Variants in ERBB4 observed in about 807,000 individuals in gnomAD.
ERBB4 encodes the protein erb-b2 receptor tyrosine kinase 4.
ERBB4 carries 42 observed loss-of-function variants against 158.0 expected under a neutral mutation model. That is an observed-to-expected ratio of 0.27 (90% confidence interval 0.21 to 0.34). The LOEUF (loss-of-function observed/expected upper bound fraction) is 0.34. Among genes scored for constraint, ERBB4 ranks in the 10% least tolerant of loss-of-function variants. ERBB4 has a pLI of 1.00. For synonymous variants in ERBB4, 583 were observed against 558.7 expected, an observed-to-expected ratio of 1.04 and a Z score of -0.61; for missense variants, 1,333 against 1,624.1, an observed-to-expected ratio of 0.82 and a Z score of 3.08.
intron 20 of ERBB4, among the ~76,000 whole-genome samples, chr2:211,478,632 C>A (rs1274332369): frequency 3.9e-5 from 6 of 152,026 alleles, no homozygotes; most frequent in Non-Finnish European, 5.9e-5. Context: ...GCAAATAAAA[C>A]ACCACTTGAA....
chr2:211,772,959 T>A lies in ERBB4; in HGVS notation c.556+15066A>T, dbSNP rs1267776807. Among the ~76,000 whole-genome samples the A allele has an allele frequency of 5.8e-3, 732 of 125,542 alleles. 38 individuals carry two copies. The highest frequency in any genetic ancestry group is 0.022 in the African/African-American group (699 of 31,434). The allele number at this position is 125,542 out of a possible 152,430, so 82.4% of individuals were successfully genotyped here. A position where few individuals can be genotyped will look rare whatever the true frequency, so the allele number is the denominator to read the frequency against. On this transcript the variant is annotated intron_variant, in intron 4 of 27. Transcript: ENST00000342788. ...TATATATATATATATATATATATTT[T>A]TTTTTTTAAAGATGGGGTCCTACTC...
chr2:212,062,476 C>T (rs2077809284), intron 2 of ERBB4, among the ~76,000 whole-genome samples: 1 of 125,286 alleles, frequency 8.0e-6, no homozygotes, highest in Non-Finnish European at 1.6e-5. Flanking sequence ...GGTGCAATCT[C>T]GGCTCACTGC....
chr2:212,184,492 A>C (rs955577571), intron 1 of ERBB4, among the ~76,000 whole-genome samples: 2 of 152,092 alleles, frequency 1.3e-5, no homozygotes, highest in Non-Finnish European at 2.9e-5. Flanking sequence ...TTATGCTTAT[A>C]TATCTTTCTA....
chr2:212,076,947 A>G (rs1213376539), intron 2 of ERBB4, among the ~76,000 whole-genome samples: 1 of 151,952 alleles, frequency 6.6e-6, no homozygotes, highest in African/African-American at 2.4e-5. Context: ...TTGTTTAATA[A>G]GGGAAGAAAA....
At chr2:212,404,789 T>C (rs1282294029) in intron 1 of ERBB4, among the ~76,000 whole-genome samples, 1 of 151,982 alleles carries the variant, frequency 6.6e-6, no homozygotes, top group South Asian at 2.1e-4. Context: ...TTTCTACTCC[T>C]CTCCCTCCTC....
At chr2:212,040,017 T>C (rs1227075284) in intron 2 of ERBB4, among the ~76,000 whole-genome samples, 1 of 146,294 alleles carries the variant, frequency 6.8e-6, no homozygotes, top group Non-Finnish European at 1.5e-5. Context: ...GTGAACTATG[T>C]TTTTTTTTTT....
chr2:212,008,287 T>C (rs1189639117), intron 2 of ERBB4, among the ~76,000 whole-genome samples: 2 of 152,094 alleles, frequency 1.3e-5, no homozygotes, highest in Admixed American at 1.3e-4. Flanking sequence ...TGGATTCCCC[T>C]ACGACACAGT....
At chr2:211,552,681 A>C (rs2067131947) in intron 20 of ERBB4, among the ~76,000 whole-genome samples, 1 of 152,222 alleles carries the variant, frequency 6.6e-6, no homozygotes, top group Non-Finnish European at 1.5e-5. Context: ...TAGGATTTTG[A>C]AAGGTAATAG....
chr2:211,554,375 C>A (rs1197126706), intron 20 of ERBB4, among the ~76,000 whole-genome samples: 2 of 152,182 alleles, frequency 1.3e-5, no homozygotes, highest in South Asian at 2.1e-4. Context: ...CAAGGATATG[C>A]CAGGTGTGTA....
At chr2:211,585,821 A>G (rs1022260113) in intron 19 of ERBB4, among the ~76,000 whole-genome samples, 1 of 152,164 alleles carries the variant, frequency 6.6e-6, no homozygotes, top group African/African-American at 2.4e-5. Flanking sequence ...CAATATTATT[A>G]TGGAAAAATT....
At chr2:212,164,638 T>C (rs188292880) in intron 1 of ERBB4, among the ~76,000 whole-genome samples, 24 of 152,182 alleles carry the variant, frequency 1.6e-4, no homozygotes, top group African/African-American at 5.5e-4. Context: ...TAAGCGTCTA[T>C]CTATCCATCA....
chr2:211,648,871 TGAG>T (rs2070876284), intron 16 of ERBB4, among the ~76,000 whole-genome samples: 1 of 151,818 alleles, frequency 6.6e-6, no homozygotes, highest in African/African-American at 2.4e-5. Flanking sequence ...GTACTTTTGA[TGAG>T]GGAGGCTGGG....
rs114733117 is a variant in ERBB4 at position 212,240,872 on chromosome 2, C to T, written c.83-115969G>A. 8.9e-3 allele frequency among the ~76,000 whole-genome samples: 1,358 copies of T among 151,940 alleles called. 14 individuals carry two copies. Among genetic ancestry groups the T allele is most frequent in the African/African-American group, 0.031 (1,273 of 41,408 alleles). ...TAAAAGCCTTCCATGTCTTGCAAGACGGACATTTCTCTTATTAGTCTGCCT... is the reference window on the plus strand; with the variant it reads ...TAAAAGCCTTCCATGTCTTGCAAGATGGACATTTCTCTTATTAGTCTGCCT... On this transcript the variant is annotated intron_variant, in intron 1 of 27. Transcript: ENST00000342788.
At chr2:211,966,390 C>T (rs188098750) in intron 2 of ERBB4, among the ~76,000 whole-genome samples, 6 of 152,106 alleles carry the variant, frequency 3.9e-5, no homozygotes, top group South Asian at 2.1e-4. Flanking sequence ...TGCAGGCACC[C>T]GCCACCACAC....
At chr2:212,051,935 T>A (rs1447236858) in intron 2 of ERBB4, among the ~76,000 whole-genome samples, 1 of 152,148 alleles carries the variant, frequency 6.6e-6, no homozygotes, top group Non-Finnish European at 1.5e-5. Flanking sequence ...TTAACACTTA[T>A]ATAATTTGTG....
chr2:211,728,139 C>A (rs2074324063), intron 5 of ERBB4, among the ~76,000 whole-genome samples: 1 of 151,810 alleles, frequency 6.6e-6, no homozygotes, highest in Non-Finnish European at 1.5e-5. Flanking sequence ...TTTTCCCAAT[C>A]AACTGACTCC....
chr2:211,935,706 T>C (rs949747992), intron 3 of ERBB4, among the ~76,000 whole-genome samples: 7 of 152,014 alleles, frequency 4.6e-5, no homozygotes, highest in Admixed American at 2.0e-4. Context: ...GCCTCCATAA[T>C]TGCATCAACC....
intron 4 of ERBB4, among the ~76,000 whole-genome samples, chr2:211,756,980 G>C (rs1559491097): frequency 6.6e-6 from 1 of 152,158 alleles, no homozygotes; most frequent in Non-Finnish European, 1.5e-5. Context: ...TATACATATA[G>C]CTTTGTTTTT....
chr2:212,251,469 A>G (rs1239436556), intron 1 of ERBB4, among the ~76,000 whole-genome samples: 1 of 152,012 alleles, frequency 6.6e-6, no homozygotes, highest in African/African-American at 2.4e-5. Context: ...GTAAAACATA[A>G]CATGCTTTTG....
Sources: gnomAD v4.1 joint callset for allele counts (sites outside exome capture counted in the v4.1 genomes callset) on GRCh38, gnomAD v4.1.1 for gene constraint, MANE v1.5 for transcripts, NCBI Gene and HGNC (gene_info 2026-07-23, HGNC 2026-07-21) for gene names.